LRBA: variants seen among roughly 807,000 people sequenced by gnomAD.
LRBA encodes the protein LPS responsive beige-like anchor protein.
In LRBA, 176 loss-of-function variants were observed where a neutral mutation model predicts 330.0. The observed-to-expected ratio is 0.53, with a 90% CI of 0.47 to 0.60. The LOEUF (loss-of-function observed/expected upper bound fraction) is 0.60. Ranked by LOEUF, LRBA falls within the 20% of genes least tolerant of loss-of-function variation. The pLI, the probability that LRBA is intolerant of heterozygous loss-of-function variation, is 0.00. For missense variants in LRBA, 3,259 were observed against 3,444.8 expected (o/e 0.95, Z 1.35); for synonymous variants, 1,230 against 1,193.0 (o/e 1.03, Z -0.64).
chr4:150,789,838 A>G (rs1739649682), intron 34 of LRBA, among the ~76,000 whole-genome samples: 1 of 152,200 alleles, frequency 6.6e-6, no homozygotes, highest in African/African-American at 2.4e-5. Flanking sequence ...AAACAGAGAC[A>G]CTGATCTGTA....
chr4:150,540,733 G>A (rs1304735289), intron 40 of LRBA, among the ~76,000 whole-genome samples: 3 of 152,128 alleles, frequency 2.0e-5, no homozygotes, highest in Non-Finnish European at 4.4e-5. Flanking sequence ...ATAAGTTGGT[G>A]CAATTATCTA....
intron 30 of LRBA, among the ~76,000 whole-genome samples, chr4:150,818,941 A>G (rs1398419780): frequency 6.6e-6 from 1 of 152,102 alleles, no homozygotes; most frequent in African/African-American, 2.4e-5. Context: ...TATGTCCACA[A>G]AACATGTATA....
At position 150,806,305 on chromosome 4, in the gene LRBA, A is replaced by G. The variant is rs1182845919; in HGVS notation, c.5484T>C (p.Gly1828=). ...CTATAAGCAGTTCTTGTCCATGGCT[A>G]CCCAAAAGTGTCCGAGAAAGAAAAG... ...FAPFLSRTLL[G]SHGQELLIEG... is the part of the protein sequence containing the mutation. Residue 1828 remains glycine (G), a synonymous_variant, in exon 33 of 57, where the codon GGT becomes GGC. Transcript: ENST00000651943. The G allele has an allele frequency of 6.2e-7, 1 of 1,608,576 alleles. No homozygotes were observed. The highest frequency in any genetic ancestry group is 8.5e-7 in the Non-Finnish European group (1 of 1,177,526).
At chr4:150,835,841 G>C (rs1382831122) in intron 28 of LRBA, among the ~76,000 whole-genome samples, 2 of 152,238 alleles carry the variant, frequency 1.3e-5, no homozygotes, top group East Asian at 1.9e-4. Context: ...ACACTATGTT[G>C]AATAAGAGTG....
chr4:150,456,689 A>G (rs1043804544), intron 44 of LRBA, among the ~76,000 whole-genome samples: 9 of 151,984 alleles, frequency 5.9e-5, no homozygotes, highest in African/African-American at 2.2e-4. Context: ...ATGTGGTCCC[A>G]TTTGCCCGTT....
intron 9 of LRBA, among the ~76,000 whole-genome samples, chr4:150,913,952 C>T (rs1218492032): frequency 6.6e-6 from 1 of 152,170 alleles, no homozygotes; most frequent in Non-Finnish European, 1.5e-5. Flanking sequence ...GTGAAATAAG[C>T]ACATCATGGA....
At chr4:150,269,572 T>C (rs1745802226) in intron 56 of LRBA, among the ~76,000 whole-genome samples, 1 of 152,214 alleles carries the variant, frequency 6.6e-6, no homozygotes, top group African/African-American at 2.4e-5. Flanking sequence ...GATTTTGCAG[T>C]GGCTTCTTGG....
chr4:150,889,514 T>A (rs1240579872), intron 17 of LRBA, among the ~76,000 whole-genome samples: 1 of 152,176 alleles, frequency 6.6e-6, no homozygotes, highest in Admixed American at 6.5e-5. Flanking sequence ...CCAGCAAGCA[T>A]TACTGCCTGA....
chr4:150,952,625 C>T (rs531148489), intron 2 of LRBA, among the ~76,000 whole-genome samples: 1 of 152,026 alleles, frequency 6.6e-6, no homozygotes, highest in Admixed American at 6.6e-5. Context: ...ATAAGGCCGT[C>T]TGTTTCTCTC....
chr4:150,885,238 A>C (rs1467474575), intron 17 of LRBA, among the ~76,000 whole-genome samples: 1 of 151,782 alleles, frequency 6.6e-6, no homozygotes, highest in Non-Finnish European at 1.5e-5. Context: ...GAAACATCTG[A>C]AGAAATAGGG....
At chr4:150,553,386 C>A (rs1766875984) in intron 40 of LRBA, among the ~76,000 whole-genome samples, 1 of 151,822 alleles carries the variant, frequency 6.6e-6, no homozygotes, top group African/African-American at 2.4e-5. Flanking sequence ...TTACTGGGTG[C>A]AGCACACCAA....
chr4:150,379,101 G>A (rs1008684345), intron 47 of LRBA, among the ~76,000 whole-genome samples: 12 of 151,760 alleles, frequency 7.9e-5, no homozygotes, highest in Admixed American at 2.0e-4. Flanking sequence ...TCAGGAGATC[G>A]AGACCAGCCT....
intron 47 of LRBA, among the ~76,000 whole-genome samples, chr4:150,401,066 A>T (rs1745392864): frequency 6.6e-6 from 1 of 152,204 alleles, no homozygotes; most frequent in Non-Finnish European, 1.5e-5. Context: ...TCTTTATAGA[A>T]AGGGGAAAAT....
chr4:150,310,412 A>C (rs1730909541), intron 51 of LRBA, 28 bp from the exon 52 acceptor site: 1 of 1,582,188 alleles, frequency 6.3e-7, no homozygotes, highest in Non-Finnish European at 8.7e-7. Flanking sequence ...AAAAACAACT[A>C]TTAAATCCAC....
chr4:150,677,760 C>A (rs535146187), intron 37 of LRBA, among the ~76,000 whole-genome samples: 4 of 150,444 alleles, frequency 2.7e-5, no homozygotes. Context: ...GCTATAATCA[C>A]GCCACTGCAT....
At chr4:150,932,447 G>A (rs918871399) in intron 2 of LRBA, among the ~76,000 whole-genome samples, 1 of 151,052 alleles carries the variant, frequency 6.6e-6, no homozygotes, top group Non-Finnish European at 1.5e-5. Context: ...ACCCAACTTT[G>A]CTTACAAAAT....
At chr4:150,807,089 T>A (rs997286668) in intron 32 of LRBA, among the ~76,000 whole-genome samples, 1 of 151,282 alleles carries the variant, frequency 6.6e-6, no homozygotes, top group Non-Finnish European at 1.5e-5. Context: ...CATACACAGA[T>A]ACATTTAATG....
intron 34 of LRBA, among the ~76,000 whole-genome samples, chr4:150,790,977 T>C (rs1006672528): frequency 1.3e-5 from 2 of 152,192 alleles, no homozygotes; most frequent in Non-Finnish European, 2.9e-5. Flanking sequence ...TCAATTTATA[T>C]CCACTAATTT....
chr4:150,453,448 T>A (rs139464628), intron 44 of LRBA, among the ~76,000 whole-genome samples: 1 of 152,180 alleles, frequency 6.6e-6, no homozygotes, highest in Non-Finnish European at 1.5e-5. Context: ...GTTAGAAGAA[T>A]TGGACTTCTA....
Sources: gnomAD v4.1 joint callset for allele counts (sites outside exome capture counted in the v4.1 genomes callset) on GRCh38, gnomAD v4.1.1 for gene constraint, MANE v1.5 for transcripts, NCBI Gene and HGNC (gene_info 2026-07-23, HGNC 2026-07-21) for gene names.